The following ESRRB variants were observed in gnomAD, a reference collection of about 807,000 sequenced individuals.
ESRRB encodes steroid hormone receptor ERR2.
A neutral mutation model predicts 46.0 loss-of-function variants in ESRRB; 16 were observed. That is an observed-to-expected ratio of 0.35 (90% CI 0.24 to 0.53). The LOEUF (loss-of-function observed/expected upper bound fraction) is 0.53, where lower values mean the gene tolerates loss of function less well. Among genes scored for constraint, ESRRB ranks in the 20% least tolerant of loss-of-function variants. ESRRB has a pLI of 0.93. For missense variants in ESRRB, 488 were observed against 607.4 expected (o/e 0.80, Z 2.07); for synonymous variants, 246 against 259.6 (o/e 0.95, Z 0.50).
chr14:76,499,573 A>AGTG lies in ESRRB; in HGVS notation c.*1116_*1118dup. 1 of 496,536 alleles carries AGTG rather than the reference A, an allele frequency of 2.0e-6. No individual in the cohort carries two copies. The highest frequency in any genetic ancestry group is 2.0e-5 in the South Asian group (1 of 49,304). 30.8% of individuals were successfully genotyped at this position (496,536 alleles called of 1,614,324 possible). A position where few individuals can be genotyped will look rare whatever the true frequency, so the allele number is the denominator to read the frequency against. ...GCACTCAGCATCATGCCACAGGGCTAGTGTACCAGTGCCACAGGAGGGGTG... is the reference window on the plus strand; with the variant it reads ...GCACTCAGCATCATGCCACAGGGCTAGTGGTGTACCAGTGCCACAGGAGGGGTG... On this transcript the variant is annotated 3_prime_UTR_variant, in exon 7 of 7. Coordinates refer to ENST00000644823, the MANE Select transcript of ESRRB (RefSeq NM_001379180.1).
intron 1 of ESRRB, among the ~76,000 whole-genome samples, chr14:76,434,489 A>T (rs1031177231): frequency 6.7e-6 from 1 of 150,190 alleles, no homozygotes; most frequent in African/African-American, 2.4e-5. Flanking sequence ...TGTCTCTACC[A>T]AAAAAAAACA....
rs561312866 is a variant in ESRRB, at chr14:76,323,364, G to C, written c.2+12448G>C. On this transcript the variant is annotated intron_variant, in intron 1 of 6. Transcript: ENST00000512784. ...TCACTCTGTTGCCCAGGCTGGAGTG[G>C]AGTGGTAGGAACATGGCTGACTGCA... Among the ~76,000 whole-genome samples the C allele has an allele frequency of 2.0e-3, 306 of 151,156 alleles. 1 individual carries two copies. Among genetic ancestry groups the C allele is most frequent in the African/African-American group, 7.3e-3 (300 of 41,122 alleles).
At chr14:76,438,017 C>G (rs1887748571) in intron 1 of ESRRB, among the ~76,000 whole-genome samples, 1 of 151,984 alleles carries the variant, frequency 6.6e-6, no homozygotes, top group Non-Finnish European at 1.5e-5. Flanking sequence ...GGGGGATGCT[C>G]AGGGTTGGGG....
intron 1 of ESRRB, among the ~76,000 whole-genome samples, chr14:76,424,667 G>A (rs527813188): frequency 6.6e-6 from 1 of 152,324 alleles, no homozygotes; most frequent in South Asian, 2.1e-4. Context: ...TGAGGGAGGT[G>A]TCAGTACTGC....
In ESRRB at chr14:76,376,309, C is replaced by T. The variant is rs534320459; in HGVS notation, c.-93C>T. 3 of 1,017,390 alleles carry T rather than the reference C, an allele frequency of 2.9e-6. No homozygotes were observed. Among genetic ancestry groups the T allele is most frequent in the African/African-American group, 3.3e-5 (2 of 60,416 alleles). 63.0% of individuals were successfully genotyped at this position (1,017,390 alleles called of 1,614,324 possible). A position where few individuals can be genotyped will look rare whatever the true frequency, so the allele number is the denominator to read the frequency against. ...GTTCTCGCGCTCACTGTGCCCTGCC[C>T]GGGCTCGCACCTTGCCCGTGCCCTT... is the stretch of plus-strand genomic sequence containing the variant. On this transcript the variant is annotated 5_prime_UTR_variant, in exon 1 of 7. Coordinates refer to ENST00000644823, the MANE Select transcript of ESRRB (RefSeq NM_001379180.1). This position sits in a 1 kb window ranked among gnomAD's most constrained non-coding sequence, Gnocchi z 4.1.
chr14:76,498,390 A>C lies in ESRRB; in HGVS notation c.1297A>C (p.Ser433Arg). The part of the protein sequence containing the change: ...TAAKAVQHFY[S>R]VKLQGKVPMH... ...CGCCAAGGCCGTGCAGCACTTCTAT[A>C]GCGTCAAACTGCAGGGCAAAGTGCC... Residue 433 changes from serine to arginine, a missense_variant, in exon 7 of 7, where the codon AGC becomes CGC. By Grantham distance (110) the Ser-to-Arg change is moderately radical. Transcript: ENST00000644823. 6.2e-7 allele frequency: 1 copy of C among 1,613,518 alleles called. No homozygotes were observed. Among genetic ancestry groups the C allele is most frequent in the African/African-American group, 1.3e-5 (1 of 75,056 alleles).
intron 2 of ESRRB, among the ~76,000 whole-genome samples, chr14:76,448,328 C>CA (rs1888238657): frequency 7.5e-6 from 1 of 133,496 alleles, no homozygotes; most frequent in Non-Finnish European, 1.6e-5. Flanking sequence ...ATTTACTTAC[C>CA]TTTTTTTTTT....
At chr14:76,427,688 A>G (rs752732939) in intron 1 of ESRRB, among the ~76,000 whole-genome samples, 3 of 152,074 alleles carry the variant, frequency 2.0e-5, no homozygotes, top group Non-Finnish European at 2.9e-5. Flanking sequence ...GCTAAAAACA[A>G]CTCTTAATAT....
At position 76,472,175 on chromosome 14, in the gene ESRRB, A is replaced by AGAAAG. The variant is rs1290391082; in HGVS notation, c.577+9518_577+9522dup. On this transcript the variant is annotated intron_variant, in intron 3 of 6. Coordinates refer to ENST00000644823, the MANE Select transcript of ESRRB (RefSeq NM_001379180.1). ...GTAGCCCTTTCTCAAAGGGGAAAAAAGAAAGGAACGGAAAGGGAAGCTGGG... is the reference window on the plus strand; with the variant it reads ...GTAGCCCTTTCTCAAAGGGGAAAAAAGAAAGGAAAGGAACGGAAAGGGAAGCTGGG... Among the ~76,000 whole-genome samples, 5 of 152,320 alleles carry AGAAAG rather than the reference A, an allele frequency of 3.3e-5. No individual in the cohort carries two copies. The East Asian group carries it at 7.7e-4, about 23-fold the overall frequency.
chr14:76,436,902 C>G (rs554315175), intron 1 of ESRRB, among the ~76,000 whole-genome samples: 1 of 152,262 alleles, frequency 6.6e-6, no homozygotes, highest in African/African-American at 2.4e-5. Flanking sequence ...AGTTGGTGAA[C>G]TTCTGGAGAG....
At chr14:76,391,662 C>G (rs1390341101) in intron 1 of ESRRB, among the ~76,000 whole-genome samples, 4 of 152,196 alleles carry the variant, frequency 2.6e-5, no homozygotes, top group Non-Finnish European at 5.9e-5. Flanking sequence ...GGTTCTGATT[C>G]GTCTGCAGCA....
intron 1 of ESRRB, among the ~76,000 whole-genome samples, chr14:76,351,437 T>C (rs566317140): frequency 6.6e-6 from 1 of 152,338 alleles, no homozygotes; most frequent in East Asian, 1.9e-4. Context: ...GTCTCCTCTG[T>C]TGTAACATGT....
intron 1 of ESRRB, among the ~76,000 whole-genome samples, chr14:76,425,713 T>C (rs918893413): frequency 6.6e-6 from 1 of 152,114 alleles, no homozygotes; most frequent in African/African-American, 2.4e-5. Context: ...CTGCTGGTTT[T>C]TTGTTTGTTT....
At chr14:76,450,580 C>T (rs920077080) in intron 2 of ESRRB, among the ~76,000 whole-genome samples, 1 of 152,130 alleles carries the variant, frequency 6.6e-6, no homozygotes, top group Non-Finnish European at 1.5e-5. Context: ...AGAAAGAGGC[C>T]TGGCACAGTG....
rs35219022 is a variant in ESRRB, at chr14:76,500,107, C to T, written c.*1649C>T. 6.6e-7 allele frequency: 1 copy of T among 1,505,808 alleles called. No individual in the cohort carries two copies. The highest frequency in any genetic ancestry group is 2.5e-5 in the East Asian group (1 of 40,622). The allele number at this position is 1,505,808 out of a possible 1,614,324, so 93.3% of individuals were successfully genotyped here. A position where few individuals can be genotyped will look rare whatever the true frequency, so the allele number is the denominator to read the frequency against. On this transcript the variant is annotated 3_prime_UTR_variant, in exon 7 of 7. Coordinates refer to ENST00000644823, the MANE Select transcript of ESRRB (RefSeq NM_001379180.1). Reference sequence around the variant, plus strand: ...TTTTCCATAGAAGCCCTGGTCCCACCTCCTTGGCTCTACCCCAGGAACCTC... The same window carrying T: ...TTTTCCATAGAAGCCCTGGTCCCACTTCCTTGGCTCTACCCCAGGAACCTC...
chr14:76,449,774 T>TG (rs995525464), intron 2 of ESRRB, among the ~76,000 whole-genome samples: 3 of 150,286 alleles, frequency 2.0e-5, no homozygotes, highest in African/African-American at 7.3e-5. Context: ...TTTTTTTTTT[T>TG]TTTTGGTCCT....
At chr14:76,365,320 T>A (rs999735288) in intron 1 of ESRRB, among the ~76,000 whole-genome samples, 1 of 152,084 alleles carries the variant, frequency 6.6e-6, no homozygotes, top group Non-Finnish European at 1.5e-5. Context: ...TACAAAAAAA[T>A]TTTAAAAAAG....
intron 2 of ESRRB, among the ~76,000 whole-genome samples, chr14:76,458,734 T>C (rs1464121037): frequency 6.6e-6 from 1 of 151,030 alleles, no homozygotes; most frequent in South Asian, 2.1e-4. Context: ...GTGAAGCCCA[T>C]GGAGAGCCCT....
chr14:76,420,717 C>G (rs750076775), intron 1 of ESRRB, among the ~76,000 whole-genome samples: 68 of 152,276 alleles, frequency 4.5e-4, no homozygotes, highest in Middle Eastern at 3.4e-3. Context: ...TCAACCAAAA[C>G]ACACAGAGGT....
Sources: allele counts gnomAD v4.1 joint callset (sites outside exome capture counted in the v4.1 genomes callset), GRCh38; gene constraint gnomAD v4.1.1; non-coding constraint Gnocchi (gnomAD v3.1); transcripts MANE v1.5; gene names NCBI Gene and HGNC (gene_info 2026-07-23, HGNC 2026-07-21).